Variants in EPN2 observed in about 807,000 individuals in gnomAD.
The protein encoded by EPN2 is epsin 2, also known as epsin-2.
EPN2 carries 34 observed loss-of-function variants against 61.7 expected under a neutral mutation model. That is an observed-to-expected ratio of 0.55 (90% CI 0.42 to 0.73). The LOEUF (loss-of-function observed/expected upper bound fraction) is 0.73, where lower values mean the gene tolerates loss of function less well. Ranked by LOEUF, EPN2 falls within the 30% of genes least tolerant of loss-of-function variation. EPN2 has a pLI of 0.00. For missense variants in EPN2, 714 were observed against 839.2 expected (o/e 0.85, Z 1.84); for synonymous variants, 349 against 353.6 (o/e 0.99, Z 0.15).
At chr17:19,326,760 A>G (rs1250821136) in intron 7 of EPN2, among the ~76,000 whole-genome samples, 1 of 151,444 alleles carries the variant, frequency 6.6e-6, no homozygotes, top group Non-Finnish European at 1.5e-5. Context: ...GCCCACAAAG[A>G]CTTGACTTAC....
At chr17:19,237,739 AGCAT>A (rs1251410666) in intron 1 of EPN2, among the ~76,000 whole-genome samples, 1 of 151,812 alleles carries the variant, frequency 6.6e-6, no homozygotes, top group Non-Finnish European at 1.5e-5. Flanking sequence ...CACGGACTGG[AGCAT>A]GGCCCCCTTC....
chr17:19,272,008 G>A (rs1325984127), intron 1 of EPN2, among the ~76,000 whole-genome samples: 1 of 152,196 alleles, frequency 6.6e-6, no homozygotes, highest in East Asian at 1.9e-4. Flanking sequence ...AATTAAACAC[G>A]AGATCATGGG....
chr17:19,276,360 A>ATTTTTTTTTTTTTTTTTT (rs140536354), intron 1 of EPN2: 1 of 79,968 alleles, frequency 1.3e-5, no homozygotes, highest in African/African-American at 5.2e-5. Flanking sequence ...GCTAATTAAA[A>ATTTTTTTTTTTTTTTTTT]TTTTTTTTTT....
intron 4 of EPN2, among the ~76,000 whole-genome samples, chr17:19,301,299 A>G (rs1352945844): frequency 6.6e-6 from 1 of 152,024 alleles, no homozygotes; most frequent in Non-Finnish European, 1.5e-5. Context: ...TTATATCTTC[A>G]CTAATTACAT....
In EPN2 at chr17:19,331,230, T is replaced by C. The variant is rs147771909; in HGVS notation, c.1412-623T>C. On this transcript the variant is annotated intron_variant, in intron 9 of 10. Coordinates refer to ENST00000314728, the MANE Select transcript of EPN2 (RefSeq NM_014964.5). ...AGGTTGATTTCAGGTTTTGCTACTG[T>C]AAATGATGCTGTTGTGAAACTCTTT... 6.6e-5 allele frequency among the ~76,000 whole-genome samples: 10 copies of C among 152,356 alleles called. 1 individual carries two copies. Among genetic ancestry groups the C allele is most frequent in the African/African-American group, 2.4e-4 (10 of 41,582 alleles).
chr17:19,288,377 T>C (rs918155538), intron 4 of EPN2, among the ~76,000 whole-genome samples: 2 of 152,182 alleles, frequency 1.3e-5, no homozygotes, highest in African/African-American at 4.8e-5. Flanking sequence ...ACAATATAAA[T>C]TATTCAGCAT....
rs1324876562 is a variant in EPN2, at chr17:19,334,141, A to C, written c.1813A>C (p.Thr605Pro). 2 of 1,605,398 alleles carry C rather than the reference A, an allele frequency of 1.2e-6. No homozygotes were observed. The highest frequency in any genetic ancestry group is 2.7e-5 in the African/African-American group (2 of 74,920). ...SAAPQPALGA[T>P]GSSLTPLGPA... is the part of the protein sequence containing the mutation. ...GGCCCCACAGCCAGCTCTGGGGGCC[A>C]CTGGTTCCTCTCTGACACCACTGGG... The change falls in exon 11 of 11, where the codon ACT (threonine) becomes CCT (proline). Residue 605 changes from threonine to proline, a missense_variant. Transcript: ENST00000314728. This position sits in a 1 kb window ranked among gnomAD's most constrained non-coding sequence, Gnocchi z 4.9.
chr17:19,296,125 G>A (rs1567858603), intron 4 of EPN2, among the ~76,000 whole-genome samples: 1 of 152,148 alleles, frequency 6.6e-6, no homozygotes, highest in Middle Eastern at 3.4e-3. Flanking sequence ...TCCAAGTACA[G>A]TGAGGGCATG....
chr17:19,274,278 A>G (rs2045284945), intron 1 of EPN2: 1 of 152,296 alleles, frequency 6.6e-6, no homozygotes, highest in East Asian at 1.9e-4. Flanking sequence ...GTTCTGATGT[A>G]TCTGGTTGAT....
intron 4 of EPN2, among the ~76,000 whole-genome samples, chr17:19,302,988 G>A (rs545867592): frequency 2.6e-5 from 4 of 152,232 alleles, no homozygotes; most frequent in Non-Finnish European, 5.9e-5. Flanking sequence ...CCCTCTGGGC[G>A]AGTGTCAGAG....
intron 1 of EPN2, among the ~76,000 whole-genome samples, chr17:19,258,611 T>G (rs2045107293): frequency 6.6e-6 from 1 of 152,176 alleles, no homozygotes; most frequent in South Asian, 2.1e-4. Flanking sequence ...TCAGGAAATG[T>G]GTTTGCCTGA....
chr17:19,307,295 A>C (rs1287604666), intron 4 of EPN2, among the ~76,000 whole-genome samples: 1 of 151,904 alleles, frequency 6.6e-6, no homozygotes, highest in Non-Finnish European at 1.5e-5. Context: ...AAATACATTT[A>C]TGTTTTTATA....
chr17:19,307,232 A>G (rs1470850439), intron 4 of EPN2, among the ~76,000 whole-genome samples: 1 of 152,214 alleles, frequency 6.6e-6, no homozygotes, highest in Non-Finnish European at 1.5e-5. Flanking sequence ...TACTTTGGGA[A>G]ATATAATTGA....
At chr17:19,272,096 C>T (rs2045260242) in intron 1 of EPN2, among the ~76,000 whole-genome samples, 1 of 152,204 alleles carries the variant, frequency 6.6e-6, no homozygotes, top group Admixed American at 6.5e-5. Context: ...AAATGGTAGT[C>T]CATAGCTCGG....
At chr17:19,310,059 C>T in intron 5 of EPN2, 62 bp downstream of exon 5, 1 of 1,210,580 alleles carries the variant, frequency 8.3e-7, no homozygotes, top group South Asian at 1.2e-5. Flanking sequence ...GAGTGTGGCT[C>T]ACTGGGAAGA....
In EPN2 at chr17:19,322,735, GTC is replaced by G. The variant is rs1447288599; in HGVS notation, c.1148-5972_1148-5971del. Among the ~76,000 whole-genome samples, 3 of 140,290 alleles carry G rather than the reference GTC, an allele frequency of 2.1e-5. No individual in the cohort carries two copies. In the East Asian group the frequency reaches 6.2e-4, roughly 29 times the overall value. 92.0% of individuals were successfully genotyped at this position (140,290 alleles called of 152,430 possible). A position where few individuals can be genotyped will look rare whatever the true frequency, so the allele number is the denominator to read the frequency against. On this transcript the variant is annotated intron_variant, in intron 7 of 10. Coordinates refer to ENST00000314728, the MANE Select transcript of EPN2 (RefSeq NM_014964.5). ...AGCCTAGGTGACAGAGCAAGAACCT[GTC>G]TCTAAAAAAAAAAAAAAAAAAAGGT...
intron 4 of EPN2, among the ~76,000 whole-genome samples, chr17:19,309,471 C>A (rs1419902331): frequency 6.6e-6 from 1 of 152,170 alleles, no homozygotes; most frequent in African/African-American, 2.4e-5. Context: ...GGAGTGGAGT[C>A]TTTGGTCTCC....
At chr17:19,293,357 C>T (rs1315013434) in intron 4 of EPN2, among the ~76,000 whole-genome samples, 4 of 139,106 alleles carry the variant, frequency 2.9e-5, no homozygotes, top group Non-Finnish European at 4.6e-5. Context: ...GTGACAAGAG[C>T]GAAACTCCAT....
In EPN2 at chr17:19,332,443, G is replaced by A. The variant is rs571125550; in HGVS notation, c.1627+375G>A. 3.3e-5 allele frequency among the ~76,000 whole-genome samples: 5 copies of A among 152,160 alleles called. No individual in the cohort carries two copies. In the South Asian group the frequency reaches 6.2e-4, roughly 19 times the overall value. ...GTTTGGCGTGTAGCATTCCTCTCTCGGGAAAAATGTAACTTAGCCCTTGGG... is the reference window on the plus strand; with the variant it reads ...GTTTGGCGTGTAGCATTCCTCTCTCAGGAAAAATGTAACTTAGCCCTTGGG... On this transcript the variant is annotated intron_variant, in intron 10 of 10. Transcript: ENST00000314728.
Sources: allele counts gnomAD v4.1 joint callset (sites outside exome capture counted in the v4.1 genomes callset), GRCh38; gene constraint gnomAD v4.1.1; non-coding constraint Gnocchi (gnomAD v3.1); transcripts MANE v1.5; gene names NCBI Gene and HGNC (gene_info 2026-07-23, HGNC 2026-07-21).